TMEM94: variants seen among roughly 807,000 people sequenced by gnomAD.
The protein encoded by TMEM94 is ER Mg2+ ATPase.
In TMEM94, 81 loss-of-function variants were observed where a neutral mutation model predicts 158.6. The ratio of observed to expected loss-of-function variants is 0.51; its 90% CI spans 0.43 to 0.61. TMEM94 has a LOEUF of 0.61. Ranked by LOEUF, TMEM94 falls within the 20% of genes least tolerant of loss-of-function variation. The probability of loss-of-function intolerance (pLI) is 0.00; values close to 1 mark genes in which losing one functional copy is unlikely to be tolerated. For missense variants in TMEM94, 1,435 were observed against 1,762.0 expected (o/e 0.81, Z 3.32); for synonymous variants, 751 against 730.7 (o/e 1.03, Z -0.45).
intron 2 of TMEM94, among the ~76,000 whole-genome samples, chr17:75,473,751 G>T (rs1379580849): frequency 6.6e-6 from 1 of 152,158 alleles, no homozygotes; most frequent in Non-Finnish European, 1.5e-5. Flanking sequence ...GCAGCTTTGG[G>T]TTGGCAGAGC....
Position 75,492,085 on chromosome 17 carries a change from C to T in TMEM94, c.1596+185C>T. 1.3e-6 allele frequency: 1 copy of T among 774,710 alleles called. No homozygotes were observed. The highest frequency in any genetic ancestry group is 2.0e-6 in the Non-Finnish European group (1 of 491,160). The allele number at this position is 774,710 out of a possible 1,614,324, so 48.0% of individuals were successfully genotyped here. ...GTCTGCTGCGAAGTAGGTGGAGCCT[C>T]CCCCTACCCTTCCATTCTTGTAATC... On this transcript the variant is annotated intron_variant, in intron 14 of 31. Transcript: ENST00000314256. The surrounding 1 kb of genome is among the most constrained non-coding windows in gnomAD (Gnocchi z 4.4).
intron 2 of TMEM94, among the ~76,000 whole-genome samples, chr17:75,483,171 G>A (rs1192690401): frequency 6.6e-6 from 1 of 152,202 alleles, no homozygotes; most frequent in Non-Finnish European, 1.5e-5. Context: ...GTCAGGAGGA[G>A]CAGGAAAGGA....
chr17:75,465,061 G>A (rs1201787314), intron 1 of TMEM94, among the ~76,000 whole-genome samples: 2 of 151,980 alleles, frequency 1.3e-5, no homozygotes, highest in Non-Finnish European at 2.9e-5. Context: ...GTGTAGTGGC[G>A]TGATCATAGC....
chr17:75,497,672 C>T (rs1445000646), intron 26 of TMEM94, 109 bp from the exon 27 acceptor site: 1 of 809,614 alleles, frequency 1.2e-6, no homozygotes, highest in Non-Finnish European at 2.1e-6. Flanking sequence ...TATTCCATCC[C>T]CTCACCAGAC....
intron 11 of TMEM94, 53 bp downstream of exon 11, chr17:75,490,811 C>T: frequency 6.6e-7 from 1 of 1,517,954 alleles, no homozygotes; most frequent in South Asian, 1.1e-5. Flanking sequence ...AGCCATAACC[C>T]TGGGACTCCC....
intron 2 of TMEM94, among the ~76,000 whole-genome samples, chr17:75,472,384 C>T (rs111558422): frequency 6.6e-6 from 1 of 152,220 alleles, no homozygotes; most frequent in African/African-American, 2.4e-5. Flanking sequence ...CTGGGCCAGC[C>T]ATAAGATTGG....
At chr17:75,477,957 C>CA (rs1362115707) in intron 2 of TMEM94, among the ~76,000 whole-genome samples, 1 of 146,642 alleles carries the variant, frequency 6.8e-6, no homozygotes, top group Non-Finnish European at 1.5e-5. Flanking sequence ...TGTGGTGAGC[C>CA]ATAGCACCAC....
chr17:75,461,870 T>G (rs897832368), intron 1 of TMEM94, among the ~76,000 whole-genome samples: 1 of 147,708 alleles, frequency 6.8e-6, no homozygotes, highest in East Asian at 2.0e-4. Context: ...GTCGAGATCG[T>G]GCCACTGCAC....
At chr17:75,483,007 A>G (rs1326190524) in intron 2 of TMEM94, among the ~76,000 whole-genome samples, 3 of 152,186 alleles carry the variant, frequency 2.0e-5, no homozygotes, top group Non-Finnish European at 4.4e-5. Flanking sequence ...ACCTCCCCTG[A>G]AGTGCAGCCC....
At chr17:75,478,262 C>T (rs559822547) in intron 2 of TMEM94, among the ~76,000 whole-genome samples, 1 of 144,266 alleles carries the variant, frequency 6.9e-6, no homozygotes, top group Non-Finnish European at 1.5e-5. Context: ...CGTGATCCGC[C>T]CGCCTCGGCC....
intron 24 of TMEM94, 22 bp from the exon 25 acceptor site, chr17:75,496,708 A>C (rs1387934148): frequency 6.2e-7 from 1 of 1,612,402 alleles, no homozygotes; most frequent in East Asian, 2.2e-5. Flanking sequence ...CCAGGCCATA[A>C]TCTGTCCCTC....
chr17:75,476,492 TAGGCTGAATTAATCAGC>T, intron 2 of TMEM94: 1 of 1,381,390 alleles, frequency 7.2e-7, no homozygotes. Flanking sequence ...TGACTAGAAA[TAGGCTGAATTAATCAGC>T]AGATTGAAGC....
chr17:75,468,532 T>A (rs1280865686), intron 1 of TMEM94, among the ~76,000 whole-genome samples: 5 of 151,216 alleles, frequency 3.3e-5, no homozygotes. Flanking sequence ...TGGGGAGGAG[T>A]GGATTTGGTC....
rs1219211180 is a variant in TMEM94, at chr17:75,489,320, G to A, written c.819G>A (p.Arg273=). ...CAGTCACTGCCCTGGACAATGAGCGGTTCACAGTGCAGTCGGTGATGCTAC... is the reference window on the plus strand; with the variant it reads ...CAGTCACTGCCCTGGACAATGAGCGATTCACAGTGCAGTCGGTGATGCTAC... The part of the protein sequence containing the change: ...SRPVTALDNE[R]FTVQSVMLHY... Residue 273 remains arginine, a synonymous_variant, in exon 8 of 32, where the codon CGG becomes CGA. Transcript: ENST00000314256. This position sits in a 1 kb window ranked among gnomAD's most constrained non-coding sequence, Gnocchi z 5.0. 6.2e-7 allele frequency: 1 copy of A among 1,614,138 alleles called. No individual in the cohort carries two copies. Among genetic ancestry groups the A allele is most frequent in the East Asian group, 2.2e-5 (1 of 44,898 alleles).
In TMEM94 at chr17:75,496,718, C is replaced by T. The variant is rs777048867; in HGVS notation, c.3244-12C>T. ...TAGACCCAGGCCATAATCTGTCCCT[C>T]TTGGTCCCTAGGCTCGGCATGCCAC... On this transcript the variant is annotated splice_polypyrimidine_tract_variant and intron_variant, in intron 24 of 31. Coordinates refer to ENST00000314256, the MANE Select transcript of TMEM94 (RefSeq NM_014738.6). 2 of 1,613,582 alleles carry T rather than the reference C, an allele frequency of 1.2e-6. No homozygotes were observed. Among genetic ancestry groups the T allele is most frequent in the Non-Finnish European group, 1.7e-6 (2 of 1,179,766 alleles).
intron 1 of TMEM94, among the ~76,000 whole-genome samples, chr17:75,460,940 C>A (rs1191256597): frequency 3.3e-5 from 5 of 152,224 alleles, no homozygotes. Flanking sequence ...GTTTCCCAAA[C>A]TGAAACTCTG....
chr17:75,495,306 GCTC>G lies in TMEM94; in HGVS notation c.2758_2760del (p.Leu920del). Reference sequence around the variant, plus strand: ...CAGTGTCCCGAGATGATGCAGAAGGGCTCCTCCTCATGGAGGAGGAGGGCCACT... The same window carrying G: ...CAGTGTCCCGAGATGATGCAGAAGGGCTCCTCATGGAGGAGGAGGGCCACT... On this transcript the variant is annotated inframe_deletion, in exon 21 of 32. Coordinates refer to ENST00000314256, the MANE Select transcript of TMEM94 (RefSeq NM_014738.6). The surrounding 1 kb of genome is among the most constrained non-coding windows in gnomAD (Gnocchi z 5.6). 2.5e-6 allele frequency: 4 copies of G among 1,610,088 alleles called. No individual in the cohort carries two copies. Among genetic ancestry groups the G allele is most frequent in the Non-Finnish European group, 3.4e-6 (4 of 1,177,090 alleles).
chr17:75,474,867 T>A (rs996346051), intron 2 of TMEM94, among the ~76,000 whole-genome samples: 2 of 152,126 alleles, frequency 1.3e-5, no homozygotes, highest in African/African-American at 4.8e-5. Flanking sequence ...CAGCCCACAG[T>A]GGCCCTGCTG....
At position 75,491,729 on chromosome 17, in the gene TMEM94, C is replaced by T; in HGVS notation, c.1425C>T (p.Asn475=). 6.2e-7 allele frequency: 1 copy of T among 1,614,084 alleles called. No homozygotes were observed. The highest frequency in any genetic ancestry group is 1.1e-5 in the South Asian group (1 of 91,088). Reference sequence around the variant, plus strand: ...ACGCCCTCCTGGCTGGCTCCCTGAACAACACCCTGCACCTTTCCAATGAGC... The same window carrying T: ...ACGCCCTCCTGGCTGGCTCCCTGAATAACACCCTGCACCTTTCCAATGAGC... ...ERDALLAGSL[N]NTLHLSNEQE... is the part of the protein sequence containing the mutation. The change falls in exon 14 of 32, where the codon AAC becomes AAT. Residue 475 remains asparagine, a synonymous_variant. Transcript: ENST00000314256. This position sits in a 1 kb window ranked among gnomAD's most constrained non-coding sequence, Gnocchi z 5.1.
Sources: allele counts gnomAD v4.1 joint callset (sites outside exome capture counted in the v4.1 genomes callset), GRCh38; gene constraint gnomAD v4.1.1; non-coding constraint Gnocchi (gnomAD v3.1); transcripts MANE v1.5; gene names NCBI Gene and HGNC (gene_info 2026-07-23, HGNC 2026-07-21).